NAALADL2: variants seen among roughly 807,000 people sequenced by gnomAD.
NAALADL2 encodes N-acetylated alpha-linked acidic dipeptidase like 2.
NAALADL2 carries 76 observed loss-of-function variants against 87.2 expected under a neutral mutation model. The ratio of observed to expected loss-of-function variants is 0.87; its 90% CI spans 0.72 to 1.05. The LOEUF is 1.05. Among genes scored for constraint, NAALADL2 ranks in the 50% least tolerant of loss-of-function variants. NAALADL2 has a pLI of 0.00. For synonymous variants in NAALADL2, 354 were observed against 331.0 expected (o/e 1.07, Z -0.75); for missense variants, 1,089 against 945.8 (o/e 1.15, Z -1.99).
At chr3:175,377,409 C>T (rs1767264819) in intron 5 of NAALADL2, among the ~76,000 whole-genome samples, 1 of 152,050 alleles carries the variant, frequency 6.6e-6, no homozygotes, top group East Asian at 1.9e-4. Context: ...GTTGTTCTTA[C>T]TTTTTTCTTA....
chr3:175,237,109 T>G (rs1746039914), intron 3 of NAALADL2, among the ~76,000 whole-genome samples: 1 of 152,112 alleles, frequency 6.6e-6, no homozygotes, highest in Non-Finnish European at 1.5e-5. Context: ...TACTAATATG[T>G]AGAGAGGTTT....
chr3:175,771,987 C>A (rs1749552251), intron 13 of NAALADL2, among the ~76,000 whole-genome samples: 1 of 152,066 alleles, frequency 6.6e-6, no homozygotes. Context: ...AGTTAACCAC[C>A]CCATGATTCA....
intron 4 of NAALADL2, among the ~76,000 whole-genome samples, chr3:175,260,671 A>G (rs1750874052): frequency 6.6e-6 from 1 of 152,196 alleles, no homozygotes; most frequent in African/African-American, 2.4e-5. Flanking sequence ...TTGTCTGGGA[A>G]CATGCAGCTG....
chr3:174,646,292 T>C (rs1723776542), intron 2 of NAALADL2, among the ~76,000 whole-genome samples: 1 of 152,232 alleles, frequency 6.6e-6, no homozygotes, highest in East Asian at 1.9e-4. Flanking sequence ...TAAAACCAGG[T>C]TTGAGAAACA....
At chr3:175,485,594 T>C (rs757315006) in intron 9 of NAALADL2, among the ~76,000 whole-genome samples, 2 of 152,144 alleles carry the variant, frequency 1.3e-5, no homozygotes, top group Non-Finnish European at 2.9e-5. Flanking sequence ...ACCTGGAACC[T>C]GATGTTCAAT....
intron 5 of NAALADL2, among the ~76,000 whole-genome samples, chr3:175,345,779 G>T (rs1763094081): frequency 6.6e-6 from 1 of 152,080 alleles, no homozygotes. Flanking sequence ...TTGTCAATAG[G>T]ATGTTTAATA....
chr3:175,131,169 T>C lies in NAALADL2; in HGVS notation c.545+33878T>C, dbSNP rs1334147333. Among the ~76,000 whole-genome samples the C allele has an allele frequency of 3.5e-5, 5 of 144,472 alleles. No homozygotes were observed. The East Asian group carries it at 1.0e-3, about 29-fold the overall frequency. 94.8% of individuals were successfully genotyped at this position (144,472 alleles called of 152,430 possible). A position where few individuals can be genotyped will look rare whatever the true frequency, so the allele number is the denominator to read the frequency against. ...GTATTTTATTCTTTTTTTTTTTTTT[T>C]TAATTGTTCATTCTTGGGTGTTTCT... is the stretch of plus-strand genomic sequence containing the variant. On this transcript the variant is annotated intron_variant, in intron 2 of 13. Transcript: ENST00000454872.
chr3:175,374,044 G>A (rs1044055859), intron 5 of NAALADL2, among the ~76,000 whole-genome samples: 2 of 151,888 alleles, frequency 1.3e-5, no homozygotes, highest in Non-Finnish European at 2.9e-5. Flanking sequence ...TCAGATGCAA[G>A]CCATTTGTCA....
chr3:175,111,186 T>C (rs1215005570), intron 2 of NAALADL2, among the ~76,000 whole-genome samples: 2 of 151,722 alleles, frequency 1.3e-5, no homozygotes, highest in African/African-American at 4.8e-5. Context: ...TTCTTTGCTC[T>C]ACGGAATATT....
chr3:175,261,141 G>T (rs1222922027), intron 4 of NAALADL2, among the ~76,000 whole-genome samples: 1 of 152,034 alleles, frequency 6.6e-6, no homozygotes, highest in Non-Finnish European at 1.5e-5. Flanking sequence ...TTTTGGGAGA[G>T]TGCTTTAAAT....
chr3:175,485,320 A>G (rs149547603), intron 9 of NAALADL2, among the ~76,000 whole-genome samples: 2 of 152,060 alleles, frequency 1.3e-5, no homozygotes, highest in African/African-American at 4.8e-5. Flanking sequence ...ATTAGGTAGG[A>G]TTCTCCACAG....
chr3:175,074,062 G>C (rs1023380952), intron 1 of NAALADL2, among the ~76,000 whole-genome samples: 19 of 151,932 alleles, frequency 1.3e-4, no homozygotes, highest in African/African-American at 4.4e-4. Context: ...GGGGATTTTA[G>C]CTTTTTTTTA....
chr3:174,512,904 TG>T (rs1719693845), intron 1 of NAALADL2, among the ~76,000 whole-genome samples: 1 of 152,066 alleles, frequency 6.6e-6, no homozygotes, highest in Non-Finnish European at 1.5e-5. Context: ...TTGATTTAAG[TG>T]GAAACCTATA....
intron 2 of NAALADL2, among the ~76,000 whole-genome samples, chr3:174,678,981 G>T (rs192117720): frequency 6.6e-6 from 1 of 152,090 alleles, no homozygotes; most frequent in Non-Finnish European, 1.5e-5. Flanking sequence ...TTGTTCTGCA[G>T]ATAGTATCTT....
chr3:174,843,450 C>T (rs1322687966), intron 3 of NAALADL2, among the ~76,000 whole-genome samples: 12 of 152,068 alleles, frequency 7.9e-5, no homozygotes, highest in South Asian at 4.1e-4. Context: ...TTGTTTGACA[C>T]GTGAGTTGAT....
intron 10 of NAALADL2, among the ~76,000 whole-genome samples, chr3:175,584,060 T>C (rs1049550932): frequency 1.6e-4 from 24 of 150,278 alleles, no homozygotes; most frequent in African/African-American, 5.7e-4. Context: ...TTTTCTGCGA[T>C]GGAGTCTGGG....
chr3:174,630,965 GCC>G (rs1014061169), intron 2 of NAALADL2, among the ~76,000 whole-genome samples: 4 of 152,068 alleles, frequency 2.6e-5, no homozygotes, highest in Non-Finnish European at 4.4e-5. Context: ...TCTATATTTT[GCC>G]GTACCTTTCA....
At chr3:175,493,111 A>T (rs1355756242) in intron 9 of NAALADL2, among the ~76,000 whole-genome samples, 1 of 152,120 alleles carries the variant, frequency 6.6e-6, no homozygotes, top group Non-Finnish European at 1.5e-5. Context: ...ATACACACAT[A>T]TAAATGTTGA....
At chr3:175,563,895 G>A (rs115820401) in intron 9 of NAALADL2, among the ~76,000 whole-genome samples, 354 of 152,204 alleles carry the variant, frequency 2.3e-3, no homozygotes, top group African/African-American at 7.9e-3. Flanking sequence ...AATGGTGTCC[G>A]CAAAGGTCTA....
Sources: gnomAD v4.1 joint callset for allele counts (sites outside exome capture counted in the v4.1 genomes callset) on GRCh38, gnomAD v4.1.1 for gene constraint, MANE v1.5 for transcripts, NCBI Gene and HGNC (gene_info 2026-07-23, HGNC 2026-07-21) for gene names.